Variants in ADAMTSL1 observed in about 807,000 individuals in gnomAD.
The protein encoded by ADAMTSL1 is ADAMTS like 1.
A neutral mutation model predicts 201.8 loss-of-function variants in ADAMTSL1; 126 were observed. The observed-to-expected ratio is 0.62, with a 90% confidence interval of 0.54 to 0.72. The LOEUF is 0.72. Ranked by LOEUF, ADAMTSL1 falls within the 30% of genes least tolerant of loss-of-function variation. The pLI is 0.00. For missense variants in ADAMTSL1, 2,679 were observed against 2,277.8 expected (o/e 1.18, Z -3.59); for synonymous variants, 1,121 against 903.4 (o/e 1.24, Z -4.32).
chr9:18,668,778 A>C (rs916434650), intron 9 of ADAMTSL1, among the ~76,000 whole-genome samples: 1 of 152,214 alleles, frequency 6.6e-6, no homozygotes, highest in African/African-American at 2.4e-5. Context: ...CAACTTGCCC[A>C]ATGTCACTTC....
At chr9:18,587,587 C>A (rs1407961865) in intron 4 of ADAMTSL1, among the ~76,000 whole-genome samples, 1 of 152,002 alleles carries the variant, frequency 6.6e-6, no homozygotes, top group Non-Finnish European at 1.5e-5. Context: ...GAACTTATTC[C>A]TTCTATCTGT....
At chr9:18,594,482 G>A (rs978303615) in intron 4 of ADAMTSL1, among the ~76,000 whole-genome samples, 1 of 151,954 alleles carries the variant, frequency 6.6e-6, no homozygotes, top group Non-Finnish European at 1.5e-5. Flanking sequence ...TTGATGTCCT[G>A]TAGATCCCAT....
At chr9:18,543,660 A>G (rs1017786261) in intron 3 of ADAMTSL1, among the ~76,000 whole-genome samples, 1 of 152,170 alleles carries the variant, frequency 6.6e-6, no homozygotes, top group African/African-American at 2.4e-5. Context: ...AAATCCTCAT[A>G]TTTTATGACT....
intron 2 of ADAMTSL1, among the ~76,000 whole-genome samples, chr9:18,169,045 G>T (rs1348880344): frequency 8.2e-6 from 1 of 121,314 alleles, no homozygotes; most frequent in Non-Finnish European, 1.8e-5. Flanking sequence ...AGATGAGTAG[G>T]TTGCAAAACT....
At position 18,777,900 on chromosome 9, in the gene ADAMTSL1, G is replaced by C. The variant is rs1563793489; in HGVS notation, c.3671G>C (p.Ser1224Thr). ...WARNGEEVQF[S>T]DRILLQPDDS... Reference sequence around the variant, plus strand: ...AGGAATGGAGAAGAAGTTCAGTTCAGTGACAGGTGAGCCTTGTAGCTAACC... The same window carrying C: ...AGGAATGGAGAAGAAGTTCAGTTCACTGACAGGTGAGCCTTGTAGCTAACC... Residue 1224 changes from serine to threonine, a missense_variant, in exon 19 of 29, where the codon AGT (serine) becomes ACT (threonine). Ser to Thr is a moderately conservative substitution (Grantham distance 58). Coordinates refer to ENST00000380548, the MANE Select transcript of ADAMTSL1 (RefSeq NM_001040272.6). 1.9e-6 allele frequency: 3 copies of C among 1,543,780 alleles called. No homozygotes were observed. Among genetic ancestry groups the C allele is most frequent in the Non-Finnish European group, 2.6e-6 (3 of 1,141,838 alleles).
intron 16 of ADAMTSL1, among the ~76,000 whole-genome samples, chr9:18,756,290 A>G (rs1050640433): frequency 3.4e-5 from 5 of 149,178 alleles, no homozygotes; most frequent in African/African-American, 1.2e-4. Flanking sequence ...ACAAAAAAAA[A>G]AAAAAAAAAA....
At chr9:18,613,812 G>A (rs1485653033) in intron 4 of ADAMTSL1, among the ~76,000 whole-genome samples, 2 of 152,030 alleles carry the variant, frequency 1.3e-5, no homozygotes, top group Non-Finnish European at 2.9e-5. Flanking sequence ...GAAGTAATCT[G>A]TACAATATAG....
chr9:18,721,114 C>T lies in ADAMTSL1; in HGVS notation c.1877-422C>T, dbSNP rs193148933. Among the ~76,000 whole-genome samples the T allele has an allele frequency of 1.6e-3, 251 of 152,322 alleles. 1 individual carries two copies. The highest frequency in any genetic ancestry group is 4.5e-3 in the African/African-American group (187 of 41,574). On this transcript the variant is annotated intron_variant, in intron 14 of 28. Coordinates refer to ENST00000380548, the MANE Select transcript of ADAMTSL1 (RefSeq NM_001040272.6). ...TCTGGATATAAAACATGGCCTTGGG[C>T]CTCCCTTCCAAATACAACGATTTCC...
intron 1 of ADAMTSL1, among the ~76,000 whole-genome samples, chr9:18,036,605 C>T (rs2131621806): frequency 6.6e-6 from 1 of 152,282 alleles, no homozygotes; most frequent in African/African-American, 2.4e-5. Context: ...CAGCATAGCA[C>T]ATTTTAGCGT....
intron 16 of ADAMTSL1, among the ~76,000 whole-genome samples, chr9:18,758,869 C>G (rs1819913159): frequency 6.6e-6 from 1 of 152,178 alleles, no homozygotes; most frequent in African/African-American, 2.4e-5. Context: ...CTAGCACAAG[C>G]TCCTTGAGAT....
At chr9:18,462,030 G>T (rs1340261148) in intron 2 of ADAMTSL1, among the ~76,000 whole-genome samples, 1 of 151,790 alleles carries the variant, frequency 6.6e-6, no homozygotes, top group East Asian at 1.9e-4. Context: ...ATCAGCTTTT[G>T]GTTGAAAAAA....
At chr9:18,769,331 C>G (rs1038049792) in intron 16 of ADAMTSL1, among the ~76,000 whole-genome samples, 2 of 152,192 alleles carry the variant, frequency 1.3e-5, no homozygotes, top group Admixed American at 6.5e-5. Flanking sequence ...GATCTCTCAG[C>G]AAGCCCAAAG....
chr9:18,283,708 C>T (rs113667335), intron 2 of ADAMTSL1, among the ~76,000 whole-genome samples: 5,711 of 146,340 alleles, frequency 0.039, 220 homozygotes, highest in African/African-American at 0.1. Flanking sequence ...GTCAGGAGAT[C>T]GAGACCATCC....
chr9:18,842,080 C>G (rs1243560250), intron 23 of ADAMTSL1, among the ~76,000 whole-genome samples: 2 of 151,596 alleles, frequency 1.3e-5, no homozygotes, highest in Non-Finnish European at 3.0e-5. Context: ...CTTCTGCTAG[C>G]TTTTGAATGT....
At chr9:18,081,564 T>C (rs1424575792) in intron 1 of ADAMTSL1, among the ~76,000 whole-genome samples, 2 of 152,188 alleles carry the variant, frequency 1.3e-5, no homozygotes, top group Non-Finnish European at 2.9e-5. Flanking sequence ...TCGAGCTGAA[T>C]GACACATGTT....
At chr9:18,828,811 T>C (rs552887216) in intron 22 of ADAMTSL1, among the ~76,000 whole-genome samples, 55 of 151,194 alleles carry the variant, frequency 3.6e-4, no homozygotes, top group African/African-American at 1.2e-3. Context: ...ACTGAAGGTA[T>C]GTTTTTCAAG....
At chr9:18,197,251 T>C (rs1469757715) in intron 2 of ADAMTSL1, among the ~76,000 whole-genome samples, 2 of 152,124 alleles carry the variant, frequency 1.3e-5, no homozygotes, top group East Asian at 3.9e-4. Flanking sequence ...TGGCATTGAA[T>C]CTGTAAATTA....
chr9:18,048,346 G>A (rs1327231087), intron 1 of ADAMTSL1, among the ~76,000 whole-genome samples: 1 of 152,092 alleles, frequency 6.6e-6, no homozygotes, highest in Admixed American at 6.5e-5. Context: ...CAAAAAACAG[G>A]TGAAATTCCA....
intron 2 of ADAMTSL1, among the ~76,000 whole-genome samples, chr9:18,276,264 T>C (rs565760792): frequency 6.6e-6 from 1 of 152,364 alleles, no homozygotes; most frequent in Admixed American, 6.5e-5. Flanking sequence ...GTCAGATATA[T>C]GTTTAGCAAA....
Sources: allele counts gnomAD v4.1 joint callset (sites outside exome capture counted in the v4.1 genomes callset), GRCh38; gene constraint gnomAD v4.1.1; transcripts MANE v1.5; gene names NCBI Gene and HGNC (gene_info 2026-07-23, HGNC 2026-07-21).